Variants in TTC27 observed in about 807,000 individuals in gnomAD.
TTC27 encodes tetratricopeptide repeat protein 27.
Under a neutral mutation model 115.9 loss-of-function variants are expected in TTC27, and 79 were observed. That is an observed-to-expected ratio of 0.68 (90% CI 0.57 to 0.82). The LOEUF (loss-of-function observed/expected upper bound fraction) is 0.82, where lower values mean the gene tolerates loss of function less well. TTC27 is among the 40% of genes least tolerant of loss of function. TTC27 has a pLI of 0.00. For synonymous variants in TTC27, 401 were observed against 356.0 expected, an observed-to-expected ratio of 1.13 and a Z score of -1.42; for missense variants, 1,054 against 993.1, an observed-to-expected ratio of 1.06 and a Z score of -0.82.
chr2:32,801,387 G>C (rs990122636), intron 16 of TTC27, among the ~76,000 whole-genome samples: 1 of 152,108 alleles, frequency 6.6e-6, no homozygotes, highest in Non-Finnish European at 1.5e-5. Flanking sequence ...GTGGCTCCTG[G>C]CGTTCCTCGG....
intron 10 of TTC27, among the ~76,000 whole-genome samples, chr2:32,726,033 G>A (rs1001586324): frequency 6.6e-6 from 1 of 151,950 alleles, no homozygotes; most frequent in African/African-American, 2.4e-5. Flanking sequence ...CTGGGACACA[G>A]GGCACCAAGT....
At chr2:32,707,501 T>C (rs556033976) in intron 10 of TTC27, among the ~76,000 whole-genome samples, 3 of 152,322 alleles carry the variant, frequency 2.0e-5, no homozygotes, top group Non-Finnish European at 2.9e-5. Flanking sequence ...ACTGTTGAAT[T>C]TGTAAATGAA....
chr2:32,713,468 T>C (rs1464614161), intron 10 of TTC27, among the ~76,000 whole-genome samples: 1 of 152,238 alleles, frequency 6.6e-6, no homozygotes, highest in Non-Finnish European at 1.5e-5. Context: ...TTATGTTTAT[T>C]ACTGAAATAA....
chr2:32,677,103 T>C (rs1169633386), intron 8 of TTC27, among the ~76,000 whole-genome samples: 1 of 152,154 alleles, frequency 6.6e-6, no homozygotes, highest in Non-Finnish European at 1.5e-5. Flanking sequence ...GTTGCTTAAA[T>C]TTGCTTGTTT....
chr2:32,798,713 A>AATAATAATAAT (rs1553321532), intron 16 of TTC27, among the ~76,000 whole-genome samples: 1 of 142,348 alleles, frequency 7.0e-6, no homozygotes, highest in East Asian at 2.0e-4. Context: ...TCAAAAAAAA[A>AATAATAATAAT]AATAATAATA....
intron 13 of TTC27, among the ~76,000 whole-genome samples, chr2:32,759,404 C>G (rs912794809): frequency 5.3e-5 from 8 of 152,136 alleles, no homozygotes; most frequent in Admixed American, 4.6e-4. Flanking sequence ...CCTACACTGT[C>G]TTTTTTTCTT....
intron 9 of TTC27, among the ~76,000 whole-genome samples, chr2:32,690,730 A>T (rs1666782137): frequency 6.6e-6 from 1 of 152,224 alleles, no homozygotes; most frequent in Non-Finnish European, 1.5e-5. Flanking sequence ...TAGCAAGGAT[A>T]GGGGATTTGG....
intron 11 of TTC27, among the ~76,000 whole-genome samples, chr2:32,734,882 C>T (rs2151915807): frequency 6.6e-6 from 1 of 152,336 alleles, no homozygotes; most frequent in East Asian, 1.9e-4. Flanking sequence ...CTGCATTCCA[C>T]ACATATTCTC....
At chr2:32,633,390 A>G (rs1381632507) in intron 2 of TTC27, among the ~76,000 whole-genome samples, 1 of 152,162 alleles carries the variant, frequency 6.6e-6, no homozygotes, top group Admixed American at 6.6e-5. Context: ...TCGTGGCTAT[A>G]ATATTGGATA....
At position 32,777,909 on chromosome 2, in the gene TTC27, G is replaced by T; in HGVS notation, c.1708G>T (p.Ala570Ser). ...CGGGGTGTGGTTTTCTCTCGGTTGTGCCTATTTGGCCTTGGAAGACTATCA... is the reference window on the plus strand; with the variant it reads ...CGGGGTGTGGTTTTCTCTCGGTTGTTCCTATTTGGCCTTGGAAGACTATCA... ...QLGVWFSLGCAYLALEDYQGS... is the reference protein window; with the variant it reads ...QLGVWFSLGCSYLALEDYQGS... Residue 570 changes from alanine to serine, a missense_variant, in exon 14 of 20, where the codon GCC becomes TCC. Physicochemically the swap from Ala to Ser is moderately conservative, Grantham distance 99. Transcript: ENST00000317907. The T allele has an allele frequency of 6.2e-7, 1 of 1,614,050 alleles. No homozygotes were observed. The highest frequency in any genetic ancestry group is 8.5e-7 in the Non-Finnish European group (1 of 1,179,994).
intron 3 of TTC27, among the ~76,000 whole-genome samples, chr2:32,639,067 C>T (rs1032197557): frequency 3.3e-5 from 5 of 151,712 alleles, no homozygotes; most frequent in East Asian, 2.0e-4. Flanking sequence ...CTCCTGACCT[C>T]GTGATCCGCC....
At chr2:32,750,161 T>C (rs922094532) in intron 12 of TTC27, among the ~76,000 whole-genome samples, 1 of 152,168 alleles carries the variant, frequency 6.6e-6, no homozygotes, top group South Asian at 2.1e-4. Flanking sequence ...CTTTCAGACA[T>C]TGAAATGGGA....
intron 16 of TTC27, among the ~76,000 whole-genome samples, chr2:32,790,526 ATCAGG>A (rs1452273930): frequency 1.3e-5 from 2 of 152,162 alleles, no homozygotes; most frequent in African/African-American, 2.4e-5. Flanking sequence ...GAATGATTAG[ATCAGG>A]CTGATTAACA....
At chr2:32,691,975 A>T (rs1666827050) in intron 9 of TTC27, among the ~76,000 whole-genome samples, 1 of 147,642 alleles carries the variant, frequency 6.8e-6, no homozygotes, top group Non-Finnish European at 1.5e-5. Context: ...TGCAAATGGC[A>T]TGAGGTTTTT....
chr2:32,801,669 G>T (rs1558351399), intron 16 of TTC27, among the ~76,000 whole-genome samples: 1 of 152,166 alleles, frequency 6.6e-6, no homozygotes, highest in Non-Finnish European at 1.5e-5. Flanking sequence ...TGAGAACAGC[G>T]GTGTTCATGA....
In TTC27 at chr2:32,678,859, T is replaced by C. The variant is rs764246376; in HGVS notation, c.1056T>C (p.Thr352=). 2 of 1,608,282 alleles carry C rather than the reference T, an allele frequency of 1.2e-6. No individual in the cohort carries two copies. The highest frequency in any genetic ancestry group is 1.3e-5 in the African/African-American group (1 of 74,696). ...EEIAIILGIC[T]NFQKNNPVHT... ...ACCTTTTTTTCTTAATTTAAAGCAC[T>C]AATTTTCAAAAGAATAACCCAGTGC... Residue 352 remains threonine, a synonymous_variant, in exon 9 of 20, where the codon ACT becomes ACC. Transcript: ENST00000317907.
Position 32,773,238 on chromosome 2 carries a change from ATTT to A in TTC27, c.1681-4643_1681-4641del, listed in dbSNP as rs575081356. On this transcript the variant is annotated intron_variant, in intron 13 of 19. Coordinates refer to ENST00000317907, the MANE Select transcript of TTC27 (RefSeq NM_017735.5). ...TGCATACAGCCAGCTTGCCTTCACG[ATTT>A]GCCCTGGAAATAAGCTCTGCAGAAA... Among the ~76,000 whole-genome samples, 31 of 152,164 alleles carry A rather than the reference ATTT, an allele frequency of 2.0e-4. 1 individual carries two copies. In the South Asian group the frequency reaches 6.4e-3, roughly 32 times the overall value.
chr2:32,672,526 T>C (rs368452229), intron 8 of TTC27, 142 bp downstream of exon 8: 2 of 568,234 alleles, frequency 3.5e-6, no homozygotes, highest in East Asian at 2.9e-5. Context: ...GAGGAAATAC[T>C]TGGAGAACCA....
intron 16 of TTC27, among the ~76,000 whole-genome samples, chr2:32,809,693 A>T (rs1448246240): frequency 6.6e-6 from 1 of 152,238 alleles, no homozygotes; most frequent in African/African-American, 2.4e-5. Context: ...CTTCAGATAC[A>T]CAGCCTAATG....
Sources: gnomAD v4.1 joint callset for allele counts (sites outside exome capture counted in the v4.1 genomes callset) on GRCh38, gnomAD v4.1.1 for gene constraint, MANE v1.5 for transcripts, NCBI Gene and HGNC (gene_info 2026-07-23, HGNC 2026-07-21) for gene names.